Variants in MAGI2 observed in about 807,000 individuals in gnomAD.
The protein encoded by MAGI2 is membrane-associated guanylate kinase, WW and PDZ domain-containing protein 2.
Under a neutral mutation model 133.3 loss-of-function variants are expected in MAGI2, and 35 were observed. The ratio of observed to expected loss-of-function variants is 0.26; its 90% CI spans 0.20 to 0.35. MAGI2 has a LOEUF of 0.35. Among genes scored for constraint, MAGI2 ranks in the 10% least tolerant of loss-of-function variants. The pLI, the probability that MAGI2 is intolerant of heterozygous loss-of-function variation, is 1.00. For missense variants in MAGI2, 1,636 were observed against 1,863.4 expected (o/e 0.88, Z 2.25); for synonymous variants, 729 against 710.6 (o/e 1.03, Z -0.41).
rs117574844 is a variant in MAGI2, at chr7:78,886,283, C to G, written c.418+120807G>C. On this transcript the variant is annotated intron_variant, in intron 2 of 21. Transcript: ENST00000354212. Reference sequence around the variant, plus strand: ...ACTGTTAATGGAAATCCAGAGCAATCTAAACATAAATAGACTTTGTATTCA... The same window carrying G: ...ACTGTTAATGGAAATCCAGAGCAATGTAAACATAAATAGACTTTGTATTCA... Among the ~76,000 whole-genome samples, 775 of 152,314 alleles carry G rather than the reference C, an allele frequency of 5.1e-3. 5 individuals are homozygous for G. The highest frequency in any genetic ancestry group is 9.2e-3 in the Non-Finnish European group (628 of 68,022).
intron 2 of MAGI2, among the ~76,000 whole-genome samples, chr7:78,795,687 T>C (rs1787545637): frequency 1.3e-5 from 2 of 151,912 alleles, no homozygotes; most frequent in South Asian, 4.1e-4. Flanking sequence ...AGGCTCCAAA[T>C]AGGCAAAGGA....
chr7:78,441,216 C>T (rs1414806211), intron 6 of MAGI2, among the ~76,000 whole-genome samples: 1 of 152,144 alleles, frequency 6.6e-6, no homozygotes, highest in Non-Finnish European at 1.5e-5. Flanking sequence ...ATACACTTTG[C>T]TCCACCAAAT....
chr7:78,987,401 C>T (rs1010549756), intron 2 of MAGI2, among the ~76,000 whole-genome samples: 1 of 152,014 alleles, frequency 6.6e-6, no homozygotes, highest in African/African-American at 2.4e-5. Context: ...ATTTTCCGTA[C>T]ATGTTGATAA....
At chr7:78,129,718 G>T (rs1821355323) in intron 18 of MAGI2, among the ~76,000 whole-genome samples, 1 of 152,034 alleles carries the variant, frequency 6.6e-6, no homozygotes, top group Non-Finnish European at 1.5e-5. Flanking sequence ...GCTGAGGCGG[G>T]TGGATCACCT....
chr7:78,400,174 T>G (rs557217206), intron 6 of MAGI2, among the ~76,000 whole-genome samples: 30 of 152,294 alleles, frequency 2.0e-4, no homozygotes, highest in Admixed American at 1.8e-3. Context: ...TTGGAAACAG[T>G]AGGTTCTCTA....
intron 2 of MAGI2, among the ~76,000 whole-genome samples, chr7:78,727,258 AAG>A (rs1249849493): frequency 6.6e-6 from 1 of 151,682 alleles, no homozygotes; most frequent in African/African-American, 2.4e-5. Context: ...TGTGGTATGG[AAG>A]AGAGAGAGAG....
At chr7:78,785,923 C>G (rs1343222729) in intron 2 of MAGI2, among the ~76,000 whole-genome samples, 1 of 152,088 alleles carries the variant, frequency 6.6e-6, no homozygotes, top group Non-Finnish European at 1.5e-5. Context: ...ATACACTAGA[C>G]AAGAACACAC....
At chr7:79,397,011 A>T (rs1338521863) in intron 1 of MAGI2, among the ~76,000 whole-genome samples, 1 of 151,860 alleles carries the variant, frequency 6.6e-6, no homozygotes, top group Non-Finnish European at 1.5e-5. Flanking sequence ...TATCCCCACT[A>T]AAAATGCAAA....
intron 1 of MAGI2, among the ~76,000 whole-genome samples, chr7:79,082,758 G>C (rs1474588202): frequency 6.6e-6 from 1 of 151,900 alleles, no homozygotes; most frequent in Non-Finnish European, 1.5e-5. Flanking sequence ...TTGAGATTTT[G>C]ATAGTGATTT....
At chr7:79,342,872 G>T (rs1034710877) in intron 1 of MAGI2, among the ~76,000 whole-genome samples, 5 of 152,002 alleles carry the variant, frequency 3.3e-5, no homozygotes, top group African/African-American at 1.2e-4. Context: ...TGATTCTCCT[G>T]CCTCAGCCTC....
intron 15 of MAGI2, among the ~76,000 whole-genome samples, chr7:78,163,084 T>C (rs1019664233): frequency 3.9e-5 from 6 of 152,342 alleles, no homozygotes; most frequent in East Asian, 1.9e-4. Flanking sequence ...AGTGGCTGCA[T>C]AGAATTCAAT....
chr7:78,988,133 G>A (rs1016149681), intron 2 of MAGI2, among the ~76,000 whole-genome samples: 1 of 151,994 alleles, frequency 6.6e-6, no homozygotes, highest in Non-Finnish European at 1.5e-5. Flanking sequence ...TGACTGTTAA[G>A]TTTCCTATAG....
chr7:78,265,679 C>T (rs1793929161), intron 9 of MAGI2, among the ~76,000 whole-genome samples: 1 of 152,182 alleles, frequency 6.6e-6, no homozygotes, highest in Admixed American at 6.5e-5. Context: ...CCCCCAACCC[C>T]CACTCCAAAA....
chr7:78,654,025 C>T (rs572519709), intron 2 of MAGI2, among the ~76,000 whole-genome samples: 4 of 152,058 alleles, frequency 2.6e-5, no homozygotes, highest in Admixed American at 6.5e-5. Flanking sequence ...GCTGGGAAGG[C>T]AAAATAATAG....
chr7:79,427,671 T>G (rs1388850947), intron 1 of MAGI2, among the ~76,000 whole-genome samples: 1 of 152,170 alleles, frequency 6.6e-6, no homozygotes, highest in South Asian at 2.1e-4. Context: ...TGGCATCAAA[T>G]ACACGTAGAA....
chr7:78,110,036 CTGACTCGGGAGCT>C (rs1819197322), intron 20 of MAGI2, among the ~76,000 whole-genome samples: 1 of 152,178 alleles, frequency 6.6e-6, no homozygotes, highest in Admixed American at 6.5e-5. Flanking sequence ...ATTGTGAGCA[CTGACTCGGGAGCT>C]TGCCCCCAAT....
At chr7:78,038,642 G>A (rs1039520005) in intron 21 of MAGI2, among the ~76,000 whole-genome samples, 1 of 152,094 alleles carries the variant, frequency 6.6e-6, no homozygotes, top group African/African-American at 2.4e-5. Context: ...ATTCACATGC[G>A]GGTTGAAGTT....
chr7:79,071,695 C>T (rs1156536241), intron 1 of MAGI2, among the ~76,000 whole-genome samples: 4 of 152,054 alleles, frequency 2.6e-5, no homozygotes, highest in African/African-American at 4.8e-5. Flanking sequence ...GTCTGGCTGC[C>T]GCGGCCTTAC....
intron 1 of MAGI2, among the ~76,000 whole-genome samples, chr7:79,344,408 T>C (rs1841150104): frequency 6.6e-6 from 1 of 152,108 alleles, no homozygotes; most frequent in African/African-American, 2.4e-5. Context: ...ATAAGATTGC[T>C]ACATAAATGA....
Sources: allele counts gnomAD v4.1 joint callset (sites outside exome capture counted in the v4.1 genomes callset), GRCh38; gene constraint gnomAD v4.1.1; transcripts MANE v1.5; gene names NCBI Gene and HGNC (gene_info 2026-07-23, HGNC 2026-07-21).